The following NRXN3 variants were observed in gnomAD, a reference collection of about 807,000 sequenced individuals.
The protein encoded by NRXN3 is neurexin III.
In NRXN3, 32 loss-of-function variants were observed where a neutral mutation model predicts 137.6. The observed-to-expected ratio is 0.23, with a 90% CI of 0.18 to 0.31. The LOEUF is 0.31. Ranked by LOEUF, NRXN3 falls within the 10% of genes least tolerant of loss-of-function variation. The pLI, the probability that NRXN3 is intolerant of heterozygous loss-of-function variation, is 1.00. For synonymous variants in NRXN3, 798 were observed against 784.5 expected (o/e 1.02, Z -0.29); for missense variants, 1,574 against 2,062.5 (o/e 0.76, Z 4.59).
chr14:78,886,786 T>C (rs941640148), intron 10 of NRXN3, among the ~76,000 whole-genome samples: 1 of 152,168 alleles, frequency 6.6e-6, no homozygotes, highest in African/African-American at 2.4e-5. Flanking sequence ...TTGGGTTTAA[T>C]CTGTGCTAGT....
chr14:78,727,162 G>A (rs2098489099), intron 8 of NRXN3, among the ~76,000 whole-genome samples: 1 of 152,130 alleles, frequency 6.6e-6, no homozygotes, highest in African/African-American at 2.4e-5. Flanking sequence ...ACCTATTGTG[G>A]TTTTAAGTTC....
intron 15 of NRXN3, among the ~76,000 whole-genome samples, chr14:79,309,800 T>C (rs1598545390): frequency 6.8e-6 from 1 of 147,242 alleles, no homozygotes; most frequent in East Asian, 2.0e-4. Flanking sequence ...TCTTGTAAAT[T>C]TGTTTGAGTT....
At chr14:79,723,971 T>C (rs1279783327) in intron 19 of NRXN3, among the ~76,000 whole-genome samples, 1 of 152,146 alleles carries the variant, frequency 6.6e-6, no homozygotes, top group African/African-American at 2.4e-5. Context: ...CATTTCTCTT[T>C]ACTTTTGGCT....
intron 4 of NRXN3, among the ~76,000 whole-genome samples, chr14:78,521,241 T>C (rs974419587): frequency 2.6e-5 from 4 of 152,194 alleles, no homozygotes; most frequent in Non-Finnish European, 5.9e-5. Context: ...GTCCTGTATA[T>C]ATTAAAAGCA....
intron 4 of NRXN3, among the ~76,000 whole-genome samples, chr14:78,365,422 C>G (rs1411342951): frequency 1.3e-5 from 2 of 152,172 alleles, no homozygotes; most frequent in Non-Finnish European, 2.9e-5. Context: ...TAGATTCTTT[C>G]ATCTACTGTC....
chr14:78,915,394 A>G (rs1205240567), intron 10 of NRXN3, among the ~76,000 whole-genome samples: 1 of 150,574 alleles, frequency 6.6e-6, no homozygotes, highest in Non-Finnish European at 1.5e-5. Context: ...AAAAACAAGC[A>G]AGCAAACAAA....
intron 20 of NRXN3, among the ~76,000 whole-genome samples, chr14:79,834,178 G>T (rs1355599221): frequency 6.6e-6 from 1 of 152,102 alleles, no homozygotes; most frequent in Non-Finnish European, 1.5e-5. Flanking sequence ...TATTAACACG[G>T]TATTCTTAGC....
intron 6 of NRXN3, among the ~76,000 whole-genome samples, chr14:78,672,389 C>T (rs7158392): frequency 0.19 from 28,179 of 152,176 alleles, 2,801 homozygotes; most frequent in South Asian, 0.25. Flanking sequence ...CAGGGCCAGG[C>T]ACTATGGCTA....
chr14:79,047,756 GTTAAAAT>G (rs1360744214), intron 15 of NRXN3, among the ~76,000 whole-genome samples: 6 of 152,116 alleles, frequency 3.9e-5, no homozygotes, highest in Admixed American at 2.0e-4. Flanking sequence ...AACTAAAATA[GTTAAAAT>G]TTAAAAGACG....
intron 1 of NRXN3, among the ~76,000 whole-genome samples, chr14:78,219,895 T>C (rs2063666141): frequency 6.6e-6 from 1 of 152,076 alleles, no homozygotes; most frequent in Admixed American, 6.6e-5. Flanking sequence ...GATGAAGACC[T>C]GTTTGAACTG....
At chr14:79,225,136 A>G (rs1430473256) in intron 15 of NRXN3, among the ~76,000 whole-genome samples, 1 of 152,172 alleles carries the variant, frequency 6.6e-6, no homozygotes, top group Non-Finnish European at 1.5e-5. Context: ...CCTAATGAGG[A>G]ATAGTCATAA....
chr14:78,638,280 A>C (rs1005450684), intron 4 of NRXN3, among the ~76,000 whole-genome samples: 3 of 152,134 alleles, frequency 2.0e-5, no homozygotes, highest in African/African-American at 7.2e-5. Flanking sequence ...TTTCTTTTGT[A>C]GTGCAGGATT....
chr14:79,834,618 G>A (rs2099331884), intron 20 of NRXN3, among the ~76,000 whole-genome samples: 1 of 152,052 alleles, frequency 6.6e-6, no homozygotes, highest in African/African-American at 2.4e-5. Context: ...TGACACAAAA[G>A]GGGCTAGTGA....
intron 13 of NRXN3, 21 bp from the exon 14 acceptor site, chr14:78,968,152 G>C: frequency 6.8e-7 from 1 of 1,480,386 alleles, no homozygotes; most frequent in Non-Finnish European, 9.1e-7. Flanking sequence ...ATTCTCTTTT[G>C]CTAATTACTT....
chr14:78,464,841 A>G (rs1054024504), intron 4 of NRXN3, among the ~76,000 whole-genome samples: 1 of 152,170 alleles, frequency 6.6e-6, no homozygotes, highest in Non-Finnish European at 1.5e-5. Context: ...TTAGGGCCAT[A>G]TACGTAAATG....
At chr14:79,353,195 T>A (rs2093290029) in intron 15 of NRXN3, among the ~76,000 whole-genome samples, 1 of 151,992 alleles carries the variant, frequency 6.6e-6, no homozygotes, top group African/African-American at 2.4e-5. Context: ...AATATAATTT[T>A]TTTTTCTTGG....
intron 10 of NRXN3, among the ~76,000 whole-genome samples, chr14:78,822,342 T>A (rs980791370): frequency 6.6e-6 from 1 of 152,132 alleles, no homozygotes; most frequent in East Asian, 1.9e-4. Context: ...CACAATCTTA[T>A]AAGGTAGGTG....
At chr14:79,423,350 C>T (rs1283406294) in intron 15 of NRXN3, among the ~76,000 whole-genome samples, 1 of 152,174 alleles carries the variant, frequency 6.6e-6, no homozygotes, top group Non-Finnish European at 1.5e-5. Context: ...TTTTGGTTTT[C>T]CTTTCCAAGC....
chr14:79,248,112 C>T lies in NRXN3; in HGVS notation c.3263-219109C>T, dbSNP rs78927469. On this transcript the variant is annotated intron_variant, in intron 15 of 20. Transcript: ENST00000335750. Reference sequence around the variant, plus strand: ...GCTTCCAAGTAGCTCAGACTACAGGCGTGAACCGCCATGTTCAGTTGAAGT... The same window carrying T: ...GCTTCCAAGTAGCTCAGACTACAGGTGTGAACCGCCATGTTCAGTTGAAGT... Among the ~76,000 whole-genome samples the T allele has an allele frequency of 3.1e-3, 475 of 152,282 alleles. 8 individuals carry two copies. In the South Asian group the frequency reaches 0.047, roughly 15 times the overall value.
Sources: gnomAD v4.1 joint callset for allele counts (sites outside exome capture counted in the v4.1 genomes callset) on GRCh38, gnomAD v4.1.1 for gene constraint, MANE v1.5 for transcripts, NCBI Gene and HGNC (gene_info 2026-07-23, HGNC 2026-07-21) for gene names.